The following ERCC6 variants were observed in gnomAD, a reference collection of about 807,000 sequenced individuals.
ERCC6 encodes DNA excision repair protein ERCC-6.
A neutral mutation model predicts 158.7 loss-of-function variants in ERCC6; 116 were observed. That is an observed-to-expected ratio of 0.73 (90% CI 0.63 to 0.85). ERCC6 has a LOEUF of 0.85. ERCC6 is among the 40% of genes least tolerant of loss of function. The pLI is 0.00. For missense variants in ERCC6, 1,698 were observed against 1,799.4 expected (o/e 0.94, Z 1.02); for synonymous variants, 678 against 659.3 (o/e 1.03, Z -0.43).
intron 4 of ERCC6, among the ~76,000 whole-genome samples, chr10:49,526,159 A>ATCTATC (rs1837334344): frequency 8.1e-6 from 1 of 123,796 alleles, no homozygotes; most frequent in South Asian, 2.6e-4. Flanking sequence ...ATATATATAT[A>ATCTATC]TATCTGGGTA....
At chr10:49,500,308 T>C (rs187101379) in intron 7 of ERCC6, among the ~76,000 whole-genome samples, 1 of 152,172 alleles carries the variant, frequency 6.6e-6, no homozygotes, top group Non-Finnish European at 1.5e-5. Context: ...ATCTGCAAAA[T>C]GAAGCATCAA....
rs540862049 is a variant in ERCC6 at position 49,523,838 on chromosome 10, T to C, written c.1397+195A>G. 2.6e-5 allele frequency among the ~76,000 whole-genome samples: 4 copies of C among 152,126 alleles called. No individual in the cohort carries two copies. The South Asian group carries it at 8.3e-4, about 32-fold the overall frequency. The stretch of plus-strand genomic sequence containing the variant: ...ATCCAACTAAAGACCTAGAAGTACA[T>C]GCATTTGGGGCCAGCATCATTAAGG... On this transcript the variant is annotated intron_variant, in intron 5 of 20. Coordinates refer to ENST00000355832, the MANE Select transcript of ERCC6 (RefSeq NM_000124.4).
chr10:49,459,395 A>G (rs563484923), intron 20 of ERCC6, among the ~76,000 whole-genome samples, 161 bp from the exon 21 acceptor site: 1 of 152,208 alleles, frequency 6.6e-6, no homozygotes, highest in South Asian at 2.1e-4. Context: ...GGAAAGGAGG[A>G]GGGTCTGGTA....
intron 5 of ERCC6, among the ~76,000 whole-genome samples, chr10:49,511,114 T>A (rs543786723): frequency 6.6e-6 from 1 of 152,292 alleles, no homozygotes; most frequent in South Asian, 2.1e-4. Context: ...GCTCCATTTT[T>A]TGGGTTCATC....
At chr10:49,496,771 G>A (rs555167667) in intron 7 of ERCC6, among the ~76,000 whole-genome samples, 38 of 152,300 alleles carry the variant, frequency 2.5e-4, no homozygotes, top group African/African-American at 8.7e-4. Flanking sequence ...TTGTGCCACT[G>A]CACTCCAGCC....
At chr10:49,533,695 CAAGGGGCTG>C (rs751537202) in intron 1 of ERCC6, among the ~76,000 whole-genome samples, 4 of 152,118 alleles carry the variant, frequency 2.6e-5, no homozygotes, top group Non-Finnish European at 5.9e-5. Context: ...CCCAGTTACT[CAAGGGGCTG>C]AGGCAGGAGG....
At chr10:49,503,920 T>C (rs953736876) in intron 6 of ERCC6, 7 of 152,136 alleles carry the variant, frequency 4.6e-5, no homozygotes, top group Non-Finnish European at 1.0e-4. Flanking sequence ...CATTTACTAG[T>C]GTGGCTGAAA....
intron 5 of ERCC6, chr10:49,515,168 T>C: frequency 1.5e-6 from 2 of 1,321,384 alleles, no homozygotes; most frequent in South Asian, 4.5e-5. Context: ...AATTCATATA[T>C]GTTACCTAGA....
intron 5 of ERCC6, among the ~76,000 whole-genome samples, chr10:49,517,802 C>T (rs1304258937): frequency 1.3e-5 from 2 of 152,006 alleles, no homozygotes; most frequent in Admixed American, 1.3e-4. Context: ...CCTTGGCCTC[C>T]TAAAGTGCTG....
intron 6 of ERCC6, chr10:49,503,966 C>A (rs150901215): frequency 1.3e-5 from 2 of 152,050 alleles, no homozygotes; most frequent in Non-Finnish European, 2.9e-5. Context: ...CATTTGACTG[C>A]TAAATTAGAT....
chr10:49,492,224 G>A (rs888696856), intron 8 of ERCC6, among the ~76,000 whole-genome samples: 14 of 152,028 alleles, frequency 9.2e-5, no homozygotes, highest in Non-Finnish European at 1.8e-4. Flanking sequence ...CGTGGTCCCC[G>A]TGCATCTGAC....
In ERCC6 at chr10:49,524,653, C is replaced by T; in HGVS notation, c.777G>A (p.Lys259=). ...CTTCATTAAGCATGATTTTTCTGGG[C>T]TTTTTCTCCTGTTTCTGAGGGATCT... is the stretch of plus-strand genomic sequence containing the variant. The part of the protein sequence containing the change: ...GTQIPQKQEK[K]PRKIMLNEAS... The change falls in exon 5 of 21, where the codon AAG becomes AAA. Residue 259 remains lysine, a synonymous_variant. Transcript: ENST00000355832. 2 of 1,614,054 alleles carry T rather than the reference C, an allele frequency of 1.2e-6. No homozygotes were observed. Among genetic ancestry groups the T allele is most frequent in the South Asian group, 1.1e-5 (1 of 91,080 alleles).
intron 12 of ERCC6, 64 bp downstream of exon 12, chr10:49,476,151 T>C: frequency 8.6e-7 from 1 of 1,165,582 alleles, no homozygotes; most frequent in Non-Finnish European, 1.3e-6. Context: ...GATCCTAGTT[T>C]CTTTTCCTCC....
At chr10:49,467,743 A>AT (rs922190849) in intron 18 of ERCC6, among the ~76,000 whole-genome samples, 1 of 148,492 alleles carries the variant, frequency 6.7e-6, no homozygotes, top group Non-Finnish European at 1.5e-5. Context: ...TTTTTTTTTT[A>AT]TTTTTTGTAG....
intron 19 of ERCC6, among the ~76,000 whole-genome samples, chr10:49,461,060 T>G (rs945276960): frequency 1.3e-5 from 2 of 152,182 alleles, no homozygotes; most frequent in African/African-American, 4.8e-5. Context: ...AATTATCTCA[T>G]TAAGGTTTAA....
rs146664460 is a variant in ERCC6, at chr10:49,517,094, T to C, written c.1397+6939A>G. The stretch of plus-strand genomic sequence containing the variant: ...TCTCTAAAAGGTCAGTTATTTCATG[T>C]AAACTTAGTGTTCGAGGCATCTTGG... On this transcript the variant is annotated intron_variant, in intron 5 of 20. Coordinates refer to ENST00000355832, the MANE Select transcript of ERCC6 (RefSeq NM_000124.4). The C allele has an allele frequency of 4.4e-5, 71 of 1,598,586 alleles. No homozygotes were observed. The African/African-American group carries it at 7.6e-4, about 17-fold the overall frequency.
intron 5 of ERCC6, chr10:49,515,854 C>T: frequency 6.2e-7 from 1 of 1,614,186 alleles, no homozygotes; most frequent in South Asian, 1.1e-5. Flanking sequence ...GATGAGGCAA[C>T]AGTGACAACA....
Position 49,469,705 on chromosome 10 carries a change from T to C in ERCC6, c.3778+477A>G, listed in dbSNP as rs76920898. 4.7e-3 allele frequency among the ~76,000 whole-genome samples: 714 copies of C among 152,324 alleles called. 5 individuals are homozygous for C. The highest frequency in any genetic ancestry group is 0.016 in the African/African-American group (647 of 41,586). ...GGATCACTAAGCAGGGCTATCTATA[T>C]ACTCCATGGTCTTGAGCAATTGTTG... On this transcript the variant is annotated intron_variant, in intron 18 of 20. Transcript: ENST00000355832.
intron 5 of ERCC6, chr10:49,516,190 A>G (rs761533924): frequency 1.2e-6 from 2 of 1,614,230 alleles, no homozygotes; most frequent in South Asian, 1.1e-5. Context: ...GGCTGAAACC[A>G]GCAAATGTAG....
Sources: allele counts gnomAD v4.1 joint callset (sites outside exome capture counted in the v4.1 genomes callset), GRCh38; gene constraint gnomAD v4.1.1; transcripts MANE v1.5; gene names NCBI Gene and HGNC (gene_info 2026-07-23, HGNC 2026-07-21).